The following RBFOX1 variants were observed in gnomAD, a reference collection of about 807,000 sequenced individuals.
RBFOX1 encodes RNA binding fox-1 homolog 1.
In RBFOX1, 8 loss-of-function variants were observed where a neutral mutation model predicts 57.7. The observed-to-expected ratio is 0.14, with a 90% CI of 0.08 to 0.25. RBFOX1 has a LOEUF of 0.25. RBFOX1 is among the 10% of genes least tolerant of loss of function. The probability of loss-of-function intolerance (pLI) is 1.00; values close to 1 mark genes in which losing one functional copy is unlikely to be tolerated. For synonymous variants in RBFOX1, 326 were observed against 222.4 expected (o/e 1.47, Z -4.15); for missense variants, 611 against 548.5 (o/e 1.11, Z -1.14).
intron 4 of RBFOX1, among the ~76,000 whole-genome samples, chr16:7,413,633 C>T (rs551081493): frequency 6.6e-6 from 1 of 152,142 alleles, no homozygotes; most frequent in South Asian, 2.1e-4. Flanking sequence ...CTTGCTATTC[C>T]CAGGCACTGG....
chr16:5,975,760 G>A (rs1389439645), intron 4 of RBFOX1, among the ~76,000 whole-genome samples: 1 of 152,202 alleles, frequency 6.6e-6, no homozygotes, highest in Non-Finnish European at 1.5e-5. Flanking sequence ...TGCTGGTTGT[G>A]CTGCTTTGGG....
intron 1 of RBFOX1, among the ~76,000 whole-genome samples, chr16:6,184,772 T>C (rs1360233420): frequency 3.3e-5 from 5 of 152,110 alleles, no homozygotes; most frequent in Non-Finnish European, 7.3e-5. Flanking sequence ...TTTCGCCATG[T>C]TGGCCAGGAT....
At chr16:5,922,388 G>C (rs2058843644) in intron 4 of RBFOX1, among the ~76,000 whole-genome samples, 1 of 152,146 alleles carries the variant, frequency 6.6e-6, no homozygotes, top group African/African-American at 2.4e-5. Context: ...GAAGAAAAAG[G>C]GACACAAGGA....
chr16:5,300,906 G>T (rs2063785883), intron 1 of RBFOX1, among the ~76,000 whole-genome samples: 1 of 152,128 alleles, frequency 6.6e-6, no homozygotes, highest in Non-Finnish European at 1.5e-5. Flanking sequence ...AGTAATTTGT[G>T]TGTTTCTTTC....
At chr16:7,472,948 G>A (rs543325636) in intron 4 of RBFOX1, among the ~76,000 whole-genome samples, 4 of 96,456 alleles carry the variant, frequency 4.1e-5, no homozygotes, top group South Asian at 3.1e-4. Context: ...AAACATACAG[G>A]GATTTGGCTA....
chr16:5,365,817 G>A (rs758820474), intron 1 of RBFOX1: 34 of 517,178 alleles, frequency 6.6e-5, no homozygotes, highest in Non-Finnish European at 1.2e-4. Flanking sequence ...AGTGGACATG[G>A]ACATGAGCCC....
intron 1 of RBFOX1, among the ~76,000 whole-genome samples, chr16:6,145,613 A>G (rs570280253): frequency 6.6e-6 from 1 of 152,294 alleles, no homozygotes; most frequent in South Asian, 2.1e-4. Flanking sequence ...TCCAGATGAA[A>G]TTATCCACTT....
At chr16:6,313,118 G>A (rs990699060) in intron 1 of RBFOX1, among the ~76,000 whole-genome samples, 3 of 152,140 alleles carry the variant, frequency 2.0e-5, no homozygotes, top group African/African-American at 7.2e-5. Flanking sequence ...CATCCCTGTG[G>A]CAGGTGAGGA....
At chr16:6,264,880 C>T (rs1020387405) in intron 1 of RBFOX1, among the ~76,000 whole-genome samples, 1 of 152,134 alleles carries the variant, frequency 6.6e-6, no homozygotes, top group African/African-American at 2.4e-5. Flanking sequence ...TGGCATATGA[C>T]CTAACATGTA....
intron 2 of RBFOX1, among the ~76,000 whole-genome samples, chr16:5,478,622 A>G (rs981722987): frequency 3.0e-4 from 46 of 152,168 alleles, no homozygotes; most frequent in African/African-American, 1.1e-3. Context: ...CGATGTGCAG[A>G]AGGGGAACAA....
chr16:6,344,240 G>A (rs947603085), intron 2 of RBFOX1, among the ~76,000 whole-genome samples: 8 of 151,524 alleles, frequency 5.3e-5, no homozygotes, highest in Non-Finnish European at 7.4e-5. Flanking sequence ...TAGTAGACAC[G>A]GGGTTTCACC....
chr16:6,563,227 A>G (rs1382617928), intron 2 of RBFOX1, among the ~76,000 whole-genome samples: 5 of 152,098 alleles, frequency 3.3e-5, no homozygotes, highest in African/African-American at 1.2e-4. Context: ...TTCCAAGACA[A>G]TTTTAGCATC....
At chr16:6,858,335 A>G (rs901046945) in intron 3 of RBFOX1, among the ~76,000 whole-genome samples, 1 of 152,174 alleles carries the variant, frequency 6.6e-6, no homozygotes, top group African/African-American at 2.4e-5. Flanking sequence ...TAGGATTTTC[A>G]TCTAAAATAC....
At chr16:5,459,311 G>A (rs755696392) in intron 1 of RBFOX1, among the ~76,000 whole-genome samples, 11 of 152,164 alleles carry the variant, frequency 7.2e-5, no homozygotes, top group South Asian at 2.1e-4. Flanking sequence ...GCTCCAGCTC[G>A]CCTATTCAGA....
chr16:6,266,967 C>T (rs1365860926), intron 1 of RBFOX1, among the ~76,000 whole-genome samples: 1 of 152,128 alleles, frequency 6.6e-6, no homozygotes, highest in Non-Finnish European at 1.5e-5. Flanking sequence ...ATCACTGTGA[C>T]TGAAAGCAAA....
At chr16:5,646,182 A>ATTTTTTTTT (rs55685218) in intron 3 of RBFOX1, among the ~76,000 whole-genome samples, 6 of 133,726 alleles carry the variant, frequency 4.5e-5, no homozygotes, top group Non-Finnish European at 3.1e-5. Flanking sequence ...GGCACGTGCT[A>ATTTTTTTTT]TTTTTTTTTT....
At chr16:5,493,890 C>T (rs2042915582) in intron 2 of RBFOX1, among the ~76,000 whole-genome samples, 1 of 152,148 alleles carries the variant, frequency 6.6e-6, no homozygotes, top group Admixed American at 6.5e-5. Flanking sequence ...ATTAATCACC[C>T]TGTCTCATTT....
rs191615170 is a variant in RBFOX1 at position 6,704,621 on chromosome 16, G to A, written c.-16+49971G>A. On this transcript the variant is annotated intron_variant, in intron 3 of 15. Coordinates refer to ENST00000550418, the MANE Select transcript of RBFOX1 (RefSeq NM_018723.4). ...CCTAGCTGGAGCCAAGAGGGGTGGGGGAAGACTGAGAGAGACAGAGACAGG... is the reference window on the plus strand; with the variant it reads ...CCTAGCTGGAGCCAAGAGGGGTGGGAGAAGACTGAGAGAGACAGAGACAGG... 405 of 152,688 alleles carry A rather than the reference G, an allele frequency of 2.7e-3. 2 individuals carry two copies. Among genetic ancestry groups the A allele is most frequent in the Non-Finnish European group, 3.7e-3 (249 of 68,196 alleles). The allele number at this position is 152,688 out of a possible 1,614,324, so 9.5% of individuals were successfully genotyped here.
At chr16:7,401,575 T>A (rs2098244301) in intron 4 of RBFOX1, among the ~76,000 whole-genome samples, 1 of 152,206 alleles carries the variant, frequency 6.6e-6, no homozygotes, top group South Asian at 2.1e-4. Flanking sequence ...AAGAAATTTT[T>A]CCCTATGTTG....
Sources: allele counts gnomAD v4.1 joint callset (sites outside exome capture counted in the v4.1 genomes callset), GRCh38; gene constraint gnomAD v4.1.1; transcripts MANE v1.5; gene names NCBI Gene and HGNC (gene_info 2026-07-23, HGNC 2026-07-21).